CPS1: variants seen among roughly 807,000 people sequenced by gnomAD.
CPS1 encodes carbamoyl-phosphate synthase 1.
CPS1 carries 109 observed loss-of-function variants against 174.6 expected under a neutral mutation model. That is an observed-to-expected ratio of 0.62 (90% confidence interval 0.53 to 0.73). The LOEUF is 0.73. Among genes scored for constraint, CPS1 ranks in the 30% least tolerant of loss-of-function variants. The pLI is 0.00. For synonymous variants in CPS1, 637 were observed against 632.0 expected, an observed-to-expected ratio of 1.01 and a Z score of -0.12; for missense variants, 1,689 against 1,821.9, an observed-to-expected ratio of 0.93 and a Z score of 1.33.
intron 1 of CPS1, among the ~76,000 whole-genome samples, chr2:210,510,181 C>G (rs369914649): frequency 3.9e-5 from 6 of 152,102 alleles, no homozygotes; most frequent in Non-Finnish European, 8.8e-5. Flanking sequence ...AAACAGAGAT[C>G]TAGACCAATG....
chr2:210,574,180 T>A (rs964941906), intron 2 of CPS1, among the ~76,000 whole-genome samples: 1 of 152,030 alleles, frequency 6.6e-6, no homozygotes, highest in Admixed American at 6.6e-5. Context: ...AGTTTCTTCA[T>A]ATAAAAAGTG....
chr2:210,486,072 ATATATATGTG>A (rs930964762), intron 1 of CPS1, among the ~76,000 whole-genome samples: 1 of 148,412 alleles, frequency 6.7e-6, no homozygotes, highest in Non-Finnish European at 1.5e-5. Flanking sequence ...ATATATATGT[ATATATATGTG>A]TATATATATA....
At chr2:210,538,922 A>G (rs778251261) in intron 1 of CPS1, among the ~76,000 whole-genome samples, 1 of 152,192 alleles carries the variant, frequency 6.6e-6, no homozygotes, top group Non-Finnish European at 1.5e-5. Context: ...AAAATTTATT[A>G]CTATTATGAT....
At position 210,648,021 on chromosome 2, in the gene CPS1, G is replaced by T. The variant is rs1396184472; in HGVS notation, c.3300G>T (p.Lys1100Asn). The T allele has an allele frequency of 3.7e-6, 6 of 1,613,918 alleles. No individual in the cohort carries two copies. The highest frequency in any genetic ancestry group is 5.1e-6 in the Non-Finnish European group (6 of 1,179,944). The stretch of plus-strand genomic sequence containing the variant: ...TCTCAGCTGTCTTGGATGAGCTGAA[G>T]GTGGCTCAGGCACCTTGGAAAGCTG... ...SIFSAVLDELKVAQAPWKAVN... is the reference protein window; with the variant it reads ...SIFSAVLDELNVAQAPWKAVN... Residue 1100 changes from lysine to asparagine, a missense_variant, in exon 26 of 38, where the codon AAG becomes AAT. Transcript: ENST00000233072.
At chr2:210,597,395 CA>C (rs1410445451) in intron 13 of CPS1, among the ~76,000 whole-genome samples, 3 of 151,866 alleles carry the variant, frequency 2.0e-5, no homozygotes, top group Non-Finnish European at 2.9e-5. Context: ...TGACCTTTAG[CA>C]AACCATTTAA....
Position 210,677,862 on chromosome 2 carries a change from C to A in CPS1, c.4405-25C>A, listed in dbSNP as rs201708425. 8.4e-6 allele frequency: 13 copies of A among 1,545,920 alleles called. No individual in the cohort carries two copies. In the African/African-American group the frequency reaches 1.4e-4, roughly 16 times the overall value. On this transcript the variant is annotated intron_variant, in intron 37 of 37. Coordinates refer to ENST00000233072, the MANE Select transcript of CPS1 (RefSeq NM_001875.5). ...ATTCACTTTTATCTCATGGAGGGTG[C>A]TGATTCCTACCATTATATTTTCAGG... is the stretch of plus-strand genomic sequence containing the variant.
chr2:210,608,190 C>G (rs1213874837), intron 18 of CPS1, among the ~76,000 whole-genome samples, 171 bp from the exon 19 acceptor site: 1 of 151,842 alleles, frequency 6.6e-6, no homozygotes, highest in South Asian at 2.1e-4. Flanking sequence ...TGTATCATGA[C>G]TCCTATTATT....
intron 21 of CPS1, among the ~76,000 whole-genome samples, chr2:210,637,285 G>T (rs1030039421): frequency 6.6e-6 from 1 of 152,154 alleles, no homozygotes; most frequent in Non-Finnish European, 1.5e-5. Flanking sequence ...CTTAGTAGAA[G>T]CCAGAATATC....
At chr2:210,661,917 T>C (rs1459758747) in intron 32 of CPS1, among the ~76,000 whole-genome samples, 1 of 146,682 alleles carries the variant, frequency 6.8e-6, no homozygotes, top group Non-Finnish European at 1.5e-5. Flanking sequence ...TTTTTTTTTT[T>C]TTTTTTGAGA....
chr2:210,512,435 T>G (rs188876716), intron 1 of CPS1, among the ~76,000 whole-genome samples: 1 of 152,086 alleles, frequency 6.6e-6, no homozygotes, highest in Non-Finnish European at 1.5e-5. Context: ...AGCTCCCACT[T>G]AAAAGTAAGA....
At chr2:210,618,360 T>TA (rs1699387129) in intron 21 of CPS1, 1 of 152,112 alleles carries the variant, frequency 6.6e-6, no homozygotes, top group South Asian at 2.1e-4. Context: ...TTCAAAAACT[T>TA]ACACTTAAAA....
At chr2:210,661,768 T>C in intron 32 of CPS1, among the ~76,000 whole-genome samples, 1 of 152,228 alleles carries the variant, frequency 6.6e-6, no homozygotes. Flanking sequence ...TGAAAAATAT[T>C]TTTTTCCACT....
chr2:210,646,695 CTTTAATG>C (rs1700386061), intron 25 of CPS1, among the ~76,000 whole-genome samples: 1 of 151,858 alleles, frequency 6.6e-6, no homozygotes, highest in African/African-American at 2.4e-5. Context: ...TATATAGGAC[CTTTAATG>C]TTTAGTGTTT....
chr2:210,557,453 T>C (rs1045596705), intron 1 of CPS1, among the ~76,000 whole-genome samples: 1 of 152,040 alleles, frequency 6.6e-6, no homozygotes, highest in Non-Finnish European at 1.5e-5. Flanking sequence ...TAGAGGCAGA[T>C]AGCAGCTGAT....
rs779377405 is a variant in CPS1 at position 210,642,530 on chromosome 2, AC to A, written c.3007del (p.Leu1003CysfsTer11). 1 of 1,613,992 alleles carries A rather than the reference AC, an allele frequency of 6.2e-7. No individual in the cohort carries two copies. The highest frequency in any genetic ancestry group is 1.7e-5 in the Admixed American group (1 of 60,022). ...DWCAVSSIRTLRQLGKKTVVV... is the reference protein window; with the variant it reads ...DWCAVSSIRTXRQLGKKTVVV... ...GGTGTGCTGTCTCTAGTATCCGCAC[AC>A]TGCGTCAACTTGGCAAGAAGACGGT... On this transcript the variant is annotated frameshift_variant, in exon 25 of 38. Transcript: ENST00000233072. LOFTEE classifies it high-confidence loss of function.
At chr2:210,540,923 G>A (rs550988285) in intron 1 of CPS1, among the ~76,000 whole-genome samples, 9 of 152,248 alleles carry the variant, frequency 5.9e-5, no homozygotes, top group African/African-American at 2.2e-4. Flanking sequence ...GAAAAACAAT[G>A]TTATTCCTTA....
At chr2:210,531,928 A>G (rs917780966) in intron 1 of CPS1, among the ~76,000 whole-genome samples, 1 of 152,116 alleles carries the variant, frequency 6.6e-6, no homozygotes, top group Non-Finnish European at 1.5e-5. Flanking sequence ...GTATACTTCC[A>G]TGTTAAGTTA....
At chr2:210,602,154 CCAGTGTGCT>C in intron 15 of CPS1, 39 bp from the exon 16 acceptor site, 1 of 1,608,372 alleles carries the variant, frequency 6.2e-7, no homozygotes, top group Admixed American at 1.7e-5. Context: ...GTCTGTTCTG[CCAGTGTGCT>C]CAGCTTTTAA....
chr2:210,662,118 G>A (rs979872688), intron 32 of CPS1, among the ~76,000 whole-genome samples: 1 of 151,880 alleles, frequency 6.6e-6, no homozygotes, highest in Non-Finnish European at 1.5e-5. Context: ...GTTTTGCCAT[G>A]TTGGCAAAGT....
Sources: gnomAD v4.1 joint callset for allele counts (sites outside exome capture counted in the v4.1 genomes callset) on GRCh38, gnomAD v4.1.1 for gene constraint, MANE v1.5 for transcripts, NCBI Gene and HGNC (gene_info 2026-07-23, HGNC 2026-07-21) for gene names.